SOX6: variants seen among roughly 807,000 people sequenced by gnomAD.
The protein encoded by SOX6 is SRY-box transcription factor 6.
SOX6 carries 11 observed loss-of-function variants against 97.8 expected under a neutral mutation model. The ratio of observed to expected loss-of-function variants is 0.11; its 90% CI spans 0.07 to 0.19. The LOEUF (loss-of-function observed/expected upper bound fraction) is 0.19, where lower values mean the gene tolerates loss of function less well. SOX6 is among the 10% of genes least tolerant of loss of function. The pLI, the probability that SOX6 is intolerant of heterozygous loss-of-function variation, is 1.00. For synonymous variants in SOX6, 360 were observed against 371.4 expected, an observed-to-expected ratio of 0.97 and a Z score of 0.35; for missense variants, 810 against 1,039.5, an observed-to-expected ratio of 0.78 and a Z score of 3.04.
intron 6 of SOX6, among the ~76,000 whole-genome samples, chr11:16,140,638 G>T (rs150369367): frequency 1.9e-3 from 291 of 152,216 alleles, no homozygotes; most frequent in African/African-American, 6.8e-3. Context: ...AACTTTAAAG[G>T]TAAGCACAAA....
At chr11:16,180,289 T>C (rs1851313004) in intron 6 of SOX6, among the ~76,000 whole-genome samples, 2 of 151,760 alleles carry the variant, frequency 1.3e-5, no homozygotes, top group Non-Finnish European at 3.0e-5. Flanking sequence ...AGAAGTAAAA[T>C]GCTTCGAAAT....
chr11:16,394,829 A>G (rs1590183396), intron 1 of SOX6, among the ~76,000 whole-genome samples: 1 of 151,928 alleles, frequency 6.6e-6, no homozygotes, highest in East Asian at 1.9e-4. Flanking sequence ...CTGCTCCATG[A>G]GTTTATAATT....
intron 3 of SOX6, among the ~76,000 whole-genome samples, chr11:16,708,177 C>T (rs1848151447): frequency 1.3e-5 from 2 of 152,274 alleles, no homozygotes; most frequent in African/African-American, 4.8e-5. Context: ...AGAAGTTATA[C>T]ATGGATACTT....
chr11:16,357,865 C>T (rs1008134644), upstream of SOX6, among the ~76,000 whole-genome samples: 1 of 152,080 alleles, frequency 6.6e-6, no homozygotes, highest in Non-Finnish European at 1.5e-5. Context: ...CTGAAGTGTG[C>T]CCATAGGTCA....
rs148009900 is a variant in SOX6 at position 16,179,044 on chromosome 11, T to C, written c.777+4842A>G. Reference sequence around the variant, plus strand: ...TTAATTAACTAGGTCAAGCAGGTCATGAAGGCTAATGTACAAAGCAATTAT... The same window carrying C: ...TTAATTAACTAGGTCAAGCAGGTCACGAAGGCTAATGTACAAAGCAATTAT... On this transcript the variant is annotated intron_variant, in intron 6 of 15. Coordinates refer to ENST00000683767, the MANE Select transcript of SOX6 (RefSeq NM_001367873.1). Among the ~76,000 whole-genome samples, 63 of 152,022 alleles carry C rather than the reference T, an allele frequency of 4.1e-4. 1 individual carries two copies. In the East Asian group the frequency reaches 0.011, roughly 27 times the overall value.
At chr11:16,510,003 CTT>C (rs1324536378) in intron 4 of SOX6, among the ~76,000 whole-genome samples, 1 of 151,972 alleles carries the variant, frequency 6.6e-6, no homozygotes, top group Non-Finnish European at 1.5e-5. Flanking sequence ...TTCAGTTAAT[CTT>C]ATATCTGTCT....
chr11:15,993,331 A>C (rs1021637151), intron 13 of SOX6, among the ~76,000 whole-genome samples: 1 of 152,206 alleles, frequency 6.6e-6, no homozygotes, highest in African/African-American at 2.4e-5. Context: ...TTCATTCTTA[A>C]ATAGCCAGTA....
intron 1 of SOX6, among the ~76,000 whole-genome samples, chr11:16,365,338 T>C (rs1329798396): frequency 7.4e-6 from 1 of 135,026 alleles, no homozygotes; most frequent in Non-Finnish European, 1.6e-5. Context: ...TGTGTGTATG[T>C]ATCTTGTATG....
chr11:15,970,791 A>G lies in SOX6; in HGVS notation c.*2018T>C, dbSNP rs974875629. ...AAGGTACACTATTTTCTTCCAAGTG[A>G]CAAAATGGCTCAAGAAATCTGATGG... is the stretch of plus-strand genomic sequence containing the variant. On this transcript the variant is annotated 3_prime_UTR_variant, in exon 16 of 16. Coordinates refer to ENST00000683767, the MANE Select transcript of SOX6 (RefSeq NM_001367873.1). The G allele has an allele frequency of 1.3e-5, 2 of 152,656 alleles. No individual in the cohort carries two copies. The highest frequency in any genetic ancestry group is 4.8e-5 in the African/African-American group (2 of 41,462). The allele number at this position is 152,656 out of a possible 1,614,324, so 9.5% of individuals were successfully genotyped here. A position where few individuals can be genotyped will look rare whatever the true frequency, so the allele number is the denominator to read the frequency against.
chr11:16,439,690 A>T (rs545519096), intron 1 of SOX6, among the ~76,000 whole-genome samples: 2 of 152,316 alleles, frequency 1.3e-5, no homozygotes, highest in South Asian at 2.1e-4. Flanking sequence ...TTTTATTCAC[A>T]AACTGTCTTT....
chr11:16,350,534 T>TTGCA (rs1222662862), intron 1 of SOX6, among the ~76,000 whole-genome samples: 1 of 152,178 alleles, frequency 6.6e-6, no homozygotes, highest in Non-Finnish European at 1.5e-5. Context: ...GCAAAGGGGA[T>TTGCA]TGCAATCAGT....
upstream of SOX6, among the ~76,000 whole-genome samples, chr11:16,359,933 G>C (rs1404977871): frequency 6.6e-6 from 1 of 152,148 alleles, no homozygotes; most frequent in Non-Finnish European, 1.5e-5. Context: ...GCTAAGTGAG[G>C]CTTAGAAGTG....
chr11:15,986,528 G>T (rs959841738), intron 14 of SOX6, 108 bp from the exon 15 acceptor site: 1 of 1,049,164 alleles, frequency 9.5e-7, no homozygotes, highest in Non-Finnish European at 1.4e-6. Context: ...GCGCTGGGTG[G>T]CTCCAATTCC....
At chr11:16,431,686 T>C (rs1044233590) in intron 1 of SOX6, among the ~76,000 whole-genome samples, 3 of 152,148 alleles carry the variant, frequency 2.0e-5, no homozygotes, top group African/African-American at 7.2e-5. Context: ...CTATGAAGCA[T>C]ATTAATGTTA....
intron 9 of SOX6, among the ~76,000 whole-genome samples, chr11:16,056,375 G>A (rs1436642808): frequency 1.3e-5 from 2 of 152,012 alleles, no homozygotes; most frequent in Admixed American, 6.6e-5. Flanking sequence ...TGCATCTCTG[G>A]GTATTCTGAT....
chr11:16,574,628 A>G (rs1847965806), intron 4 of SOX6, among the ~76,000 whole-genome samples: 2 of 152,154 alleles, frequency 1.3e-5, no homozygotes, highest in African/African-American at 4.8e-5. Context: ...AAATGAGAAC[A>G]TCTGTTCATC....
intron 4 of SOX6, among the ~76,000 whole-genome samples, chr11:16,484,832 G>GT (rs1312871704): frequency 1.3e-5 from 2 of 152,180 alleles, no homozygotes; most frequent in Non-Finnish European, 2.9e-5. Context: ...TTCTTATAGA[G>GT]TTGAACGTTG....
At chr11:16,567,564 T>A (rs1847887712) in intron 4 of SOX6, among the ~76,000 whole-genome samples, 2 of 112,330 alleles carry the variant, frequency 1.8e-5, no homozygotes, top group Non-Finnish European at 3.8e-5. Context: ...TTTTTTTCTT[T>A]TTTTTTTTTT....
chr11:16,703,044 A>G (rs1037674561), intron 3 of SOX6, among the ~76,000 whole-genome samples: 1 of 151,626 alleles, frequency 6.6e-6, no homozygotes, highest in Non-Finnish European at 1.5e-5. Flanking sequence ...TTATTGTAAG[A>G]TGACAAATGG....
Sources: gnomAD v4.1 joint callset for allele counts (sites outside exome capture counted in the v4.1 genomes callset) on GRCh38, gnomAD v4.1.1 for gene constraint, MANE v1.5 for transcripts, NCBI Gene and HGNC (gene_info 2026-07-23, HGNC 2026-07-21) for gene names.